The following CHAT variants were observed in gnomAD, a reference collection of about 807,000 sequenced individuals.
CHAT encodes the protein acetyl CoA:choline O-acetyltransferase.
A neutral mutation model predicts 76.9 loss-of-function variants in CHAT; 61 were observed. The ratio of observed to expected loss-of-function variants is 0.79; its 90% CI spans 0.65 to 0.98. The LOEUF is 0.98. CHAT is among the 50% of genes least tolerant of loss of function. The pLI is 0.00. For missense variants in CHAT, 946 were observed against 986.9 expected, an observed-to-expected ratio of 0.96 and a Z score of 0.56; for synonymous variants, 407 against 397.4, an observed-to-expected ratio of 1.02 and a Z score of -0.29.
chr10:49,614,134 C>G lies in CHAT; in HGVS notation c.-56C>G. The G allele has an allele frequency of 1.3e-6, 2 of 1,499,912 alleles. No homozygotes were observed. Among genetic ancestry groups the G allele is most frequent in the Non-Finnish European group, 1.8e-6 (2 of 1,126,846 alleles). 92.9% of individuals were successfully genotyped at this position (1,499,912 alleles called of 1,614,324 possible). On this transcript the variant is annotated 5_prime_UTR_variant, in exon 1 of 15. Transcript: ENST00000337653. ...GCCCGAGTTCCTCCGGGAAGCGCTC[C>G]GGGTAGATTCTGGGGGCCGGGAGCT...
At chr10:49,615,562 G>A (rs993580077) in intron 1 of CHAT, among the ~76,000 whole-genome samples, 2 of 152,204 alleles carry the variant, frequency 1.3e-5, no homozygotes, top group African/African-American at 2.4e-5. Flanking sequence ...GTGGGGAGAG[G>A]GGTGAGGAAA....
At chr10:49,625,774 C>T in intron 6 of CHAT, 121 bp downstream of exon 6, 1 of 1,075,814 alleles carries the variant, frequency 9.3e-7, no homozygotes, top group Non-Finnish European at 1.4e-6. Flanking sequence ...GGAGCTGGGG[C>T]ACCATGTCTC....
In CHAT at chr10:49,649,512, C is replaced by A; in HGVS notation, c.1387C>A (p.Gln463Lys). Residue 463 changes from glutamine to lysine, a missense_variant, in exon 10 of 15, where the codon CAG becomes AAG. Physicochemically the swap from Gln to Lys is moderately conservative, Grantham distance 53. Transcript: ENST00000337653. ...AGGTTGCCTCTGTGCCCGCAGGACGCAGAGCAGCAGGAAGCTGATCCGAGC... is the reference window on the plus strand; with the variant it reads ...AGGTTGCCTCTGTGCCCGCAGGACGAAGAGCAGCAGGAAGCTGATCCGAGC... ...CTEHLLKHVT[Q>K]SSRKLIRADS... 1 of 1,613,852 alleles carries A rather than the reference C, an allele frequency of 6.2e-7. No homozygotes were observed. The highest frequency in any genetic ancestry group is 2.2e-5 in the East Asian group (1 of 44,892).
intron 7 of CHAT, among the ~76,000 whole-genome samples, chr10:49,638,288 A>G (rs1246379922): frequency 6.6e-6 from 1 of 152,160 alleles, no homozygotes; most frequent in Non-Finnish European, 1.5e-5. Context: ...TGCATGCTAT[A>G]TATTTTTCCT....
rs772025588 is a variant in CHAT, at chr10:49,614,274, A to C, written c.85A>C (p.Arg29=). The change falls in exon 1 of 15, where the codon AGA becomes CGA. Residue 29 remains arginine (R), a synonymous_variant. Coordinates refer to ENST00000337653, the MANE Select transcript of CHAT (RefSeq NM_020549.5). ...GGAGGGAGGAGGTACAAGAGGAAGG[A>C]GAGAAGTGCGGCCAGCTTGCTTTCT... ...REEGGGTRGR[R]EVRPACFLQS... 1.5e-4 allele frequency: 231 copies of C among 1,548,364 alleles called. 2 individuals carry two copies. The East Asian group carries it at 5.6e-3, about 37-fold the overall frequency.
At chr10:49,611,664 C>G (rs200094927), upstream of CHAT, 1 of 1,611,600 alleles carries the variant, frequency 6.2e-7, no homozygotes, top group Non-Finnish European at 8.5e-7. Flanking sequence ...TCGCCTTCCT[C>G]GAACCCACCA....
At position 49,666,243 on chromosome 10, in the gene CHAT, C is replaced by A. The variant is rs1259981805; in HGVS notation, c.*1197C>A. Among the ~76,000 whole-genome samples, 6 of 149,474 alleles carry A rather than the reference C, an allele frequency of 4.0e-5. No homozygotes were observed. On this transcript the variant is annotated 3_prime_UTR_variant, in exon 15 of 15. Coordinates refer to ENST00000337653, the MANE Select transcript of CHAT (RefSeq NM_020549.5). ...CTCCAGAGTCAGCCCCAGCCCCAGC[C>A]CCAGCTCCAGCTCCAGCCCCAGCTC...
chr10:49,646,599 C>G lies in CHAT; in HGVS notation c.1206C>G (p.His402Gln). ...APGGVELSDT[H>Q]RALQLLHGGG... ...GAGGCGTGGAGCTCAGCGACACCCA[C>G]AGGGCACTCCAGCTCCTTCACGGCG... Residue 402 changes from histidine to glutamine, a missense_variant, in exon 8 of 15, where the codon CAC becomes CAG. Physicochemically the swap from His to Gln is conservative, Grantham distance 24 (BLOSUM62 0). Around this residue, in one of 3 missense-constraint regions of CHAT, gnomAD observed 49 missense variants for 76.7 expected, o/e 0.64. Transcript: ENST00000337653. 6.2e-7 allele frequency: 1 copy of G among 1,614,232 alleles called. No individual in the cohort carries two copies. Among genetic ancestry groups the G allele is most frequent in the Non-Finnish European group, 8.5e-7 (1 of 1,180,044 alleles).
rs538454581 is a variant in CHAT at position 49,651,087 on chromosome 10, GC to G, written c.1512-794del. Among the ~76,000 whole-genome samples the G allele has an allele frequency of 1.9e-3, 294 of 152,226 alleles. 2 individuals are homozygous for G. Among genetic ancestry groups the G allele is most frequent in the African/African-American group, 6.6e-3 (274 of 41,542 alleles). Reference sequence around the variant, plus strand: ...GGCTTCTTCCTGGGGGTCCTGAGGGGCCCATACAAGTGGGTGAGGCCCGAGT... The same window carrying G: ...GGCTTCTTCCTGGGGGTCCTGAGGGGCCATACAAGTGGGTGAGGCCCGAGT... On this transcript the variant is annotated intron_variant, in intron 10 of 14. Transcript: ENST00000337653.
At chr10:49,646,067 T>C (rs975826928) in intron 7 of CHAT, among the ~76,000 whole-genome samples, 9 of 152,242 alleles carry the variant, frequency 5.9e-5, no homozygotes, top group African/African-American at 1.9e-4. Context: ...CTGAAAGTCA[T>C]AGTTCAGCAC....
intron 7 of CHAT, among the ~76,000 whole-genome samples, chr10:49,646,107 T>C (rs1049890695): frequency 1.3e-5 from 2 of 152,270 alleles, no homozygotes; most frequent in African/African-American, 4.8e-5. Context: ...CAGATGTGGC[T>C]CACAGGAGCC....
Position 49,627,766 on chromosome 10 carries a change from C to A in CHAT, c.1092C>A (p.Ala364=). 6.2e-7 allele frequency: 1 copy of A among 1,613,854 alleles called. No homozygotes were observed. Among genetic ancestry groups the A allele is most frequent in the African/African-American group, 1.3e-5 (1 of 75,048 alleles). The change falls in exon 7 of 15, where the codon GCC becomes GCA. Residue 364 remains alanine (A), a synonymous_variant. Coordinates refer to ENST00000337653, the MANE Select transcript of CHAT (RefSeq NM_020549.5). ...TSDGRSEWAE[A]RTVLVKDSTN... ...ACGGGAGGAGCGAGTGGGCCGAGGC[C>A]AGGACGGTCCTCGTGAAAGGTCAGC...
intron 7 of CHAT, among the ~76,000 whole-genome samples, chr10:49,644,529 G>A (rs868377314): frequency 6.6e-6 from 1 of 152,208 alleles, no homozygotes; most frequent in Non-Finnish European, 1.5e-5. Context: ...GGAAGCCCAA[G>A]AGGCCATGCA....
rs757673138 is a variant in CHAT at position 49,620,539 on chromosome 10, G to GGCCCTGCCTGTCAACTCCA, written c.633_651dup (p.Val218CysfsTer19). The GGCCCTGCCTGTCAACTCCA allele has an allele frequency of 6.2e-7, 1 of 1,613,972 alleles. No individual in the cohort carries two copies. The highest frequency in any genetic ancestry group is 8.5e-7 in the Non-Finnish European group (1 of 1,179,908). ...ATGACATGTATCTCAACAACCGCCT[G>GGCCCTGCCTGTCAACTCCA]GCCCTGCCTGTCAACTCCAGCCCTG... On this transcript the variant is annotated frameshift_variant, in exon 4 of 15. Coordinates refer to ENST00000337653, the MANE Select transcript of CHAT (RefSeq NM_020549.5). LOFTEE classifies it high-confidence loss of function.
intron 13 of CHAT, among the ~76,000 whole-genome samples, chr10:49,657,427 C>A (rs2132838580): frequency 1.3e-5 from 2 of 152,252 alleles, no homozygotes; most frequent in East Asian, 3.9e-4. Context: ...AGGACCCAAA[C>A]ATCCAAACCA....
At chr10:49,609,412 G>A (rs1838230920), upstream of CHAT, among the ~76,000 whole-genome samples, 13 of 152,048 alleles carry the variant, frequency 8.5e-5, no homozygotes. Context: ...GCCGAGGGAG[G>A]GCTTGGTCGG....
intron 7 of CHAT, among the ~76,000 whole-genome samples, chr10:49,634,896 T>C (rs1050459692): frequency 2.0e-5 from 3 of 152,208 alleles, no homozygotes; most frequent in Admixed American, 2.0e-4. Context: ...TATTTTGGGA[T>C]AACTGAAGAT....
At chr10:49,657,629 T>C (rs1044127865) in intron 13 of CHAT, among the ~76,000 whole-genome samples, 1 of 152,188 alleles carries the variant, frequency 6.6e-6, no homozygotes, top group Non-Finnish European at 1.5e-5. Flanking sequence ...CGGAAATTAA[T>C]TGGTTAATTA....
chr10:49,617,915 C>A (rs1838557478), intron 2 of CHAT, among the ~76,000 whole-genome samples: 2 of 152,172 alleles, frequency 1.3e-5, no homozygotes, highest in Non-Finnish European at 1.5e-5. Flanking sequence ...GAGAAGTGAA[C>A]CCTAGAGGCA....
Sources: allele counts gnomAD v4.1 joint callset (sites outside exome capture counted in the v4.1 genomes callset), GRCh38; gene constraint gnomAD v4.1.1; regional missense constraint gnomAD v4.1.1; transcripts MANE v1.5; gene names NCBI Gene and HGNC (gene_info 2026-07-23, HGNC 2026-07-21).